Variants in GRXCR1 observed in about 807,000 individuals in gnomAD.
The protein encoded by GRXCR1 is glutaredoxin domain-containing cysteine-rich protein 1.
A neutral mutation model predicts 27.3 loss-of-function variants in GRXCR1; 27 were observed. The observed-to-expected ratio is 0.99, with a 90% CI of 0.73 to 1.37. GRXCR1 has a LOEUF of 1.37. GRXCR1 is among the 40% of genes most tolerant of loss of function. The probability of loss-of-function intolerance (pLI) is 0.00; values close to 1 mark genes in which losing one functional copy is unlikely to be tolerated. For synonymous variants in GRXCR1, 122 were observed against 131.1 expected (o/e 0.93, Z 0.47); for missense variants, 379 against 354.4 (o/e 1.07, Z -0.56).
chr4:43,003,023 A>T (rs935043072), intron 2 of GRXCR1, among the ~76,000 whole-genome samples: 2 of 152,160 alleles, frequency 1.3e-5, no homozygotes. Flanking sequence ...AGTGTGTGGC[A>T]TTCCAGCCCT....
intron 2 of GRXCR1, among the ~76,000 whole-genome samples, chr4:42,987,241 A>ATAT (rs1276367661): frequency 1.5e-5 from 1 of 66,468 alleles, no homozygotes; most frequent in African/African-American, 5.1e-5. Context: ...ATATATATAT[A>ATAT]ATATATAATA....
At chr4:42,933,373 A>C (rs1382413110) in intron 1 of GRXCR1, among the ~76,000 whole-genome samples, 1 of 151,894 alleles carries the variant, frequency 6.6e-6, no homozygotes, top group African/African-American at 2.4e-5. Flanking sequence ...AACTAACAAC[A>C]TCAAGGAGAG....
intron 1 of GRXCR1, among the ~76,000 whole-genome samples, chr4:42,897,060 A>C (rs950588537): frequency 2.0e-5 from 3 of 152,268 alleles, no homozygotes; most frequent in Admixed American, 2.0e-4. Flanking sequence ...CATTACTGGA[A>C]AATTTTAAAA....
intron 1 of GRXCR1, among the ~76,000 whole-genome samples, chr4:42,900,488 A>G (rs972439418): frequency 6.6e-5 from 10 of 152,160 alleles, no homozygotes; most frequent in African/African-American, 2.4e-4. Flanking sequence ...AAGTTAGGCT[A>G]TGAAATAATT....
At chr4:42,987,034 T>TGTG (rs1711749704) in intron 2 of GRXCR1, among the ~76,000 whole-genome samples, 2 of 97,458 alleles carry the variant, frequency 2.1e-5, no homozygotes, top group Admixed American at 9.7e-5. Flanking sequence ...GTGTGTGTGT[T>TGTG]TAGGGGGTAA....
intron 1 of GRXCR1, among the ~76,000 whole-genome samples, chr4:42,938,984 A>C (rs931921614): frequency 6.6e-6 from 1 of 151,904 alleles, no homozygotes; most frequent in African/African-American, 2.4e-5. Flanking sequence ...GGCTTTGACT[A>C]TTCTGGGTCT....
chr4:42,983,861 A>T, intron 2 of GRXCR1, among the ~76,000 whole-genome samples: 1 of 142,236 alleles, frequency 7.0e-6, no homozygotes, highest in Non-Finnish European at 1.5e-5. Context: ...TTTCAGACAG[A>T]GTCTCACTCT....
chr4:42,911,080 G>T (rs1374093303), intron 1 of GRXCR1, among the ~76,000 whole-genome samples: 2 of 151,986 alleles, frequency 1.3e-5, no homozygotes, highest in East Asian at 3.9e-4. Flanking sequence ...TGTCTGTGAG[G>T]GACTGTATTT....
At chr4:42,937,969 T>G (rs937767459) in intron 1 of GRXCR1, among the ~76,000 whole-genome samples, 2 of 151,966 alleles carry the variant, frequency 1.3e-5, no homozygotes, top group Admixed American at 6.6e-5. Flanking sequence ...TACAACAAAT[T>G]ATTGCTGACT....
intron 1 of GRXCR1, 41 bp from the exon 2 acceptor site, chr4:42,962,851 G>A: frequency 6.2e-7 from 1 of 1,610,716 alleles, no homozygotes; most frequent in Non-Finnish European, 8.5e-7. Context: ...ACACAAGAAA[G>A]TAAAAGCAAA....
At chr4:42,958,517 A>G (rs1248663512) in intron 1 of GRXCR1, among the ~76,000 whole-genome samples, 1 of 151,964 alleles carries the variant, frequency 6.6e-6, no homozygotes, top group Admixed American at 6.6e-5. Context: ...TAAGTTTTGG[A>G]TATTTTCCCC....
chr4:42,977,761 C>G (rs920369177), intron 2 of GRXCR1, among the ~76,000 whole-genome samples: 6 of 151,998 alleles, frequency 3.9e-5, no homozygotes, highest in African/African-American at 1.2e-4. Context: ...AGGTTGTCCC[C>G]TCACTCTGTT....
chr4:42,918,185 A>T (rs1193257753), intron 1 of GRXCR1, among the ~76,000 whole-genome samples: 2 of 152,024 alleles, frequency 1.3e-5, no homozygotes, highest in Non-Finnish European at 2.9e-5. Context: ...ATGGCACCTC[A>T]TCTAGAGGGG....
chr4:42,920,133 G>A (rs1040636300), intron 1 of GRXCR1, among the ~76,000 whole-genome samples: 9 of 152,108 alleles, frequency 5.9e-5, no homozygotes, highest in African/African-American at 9.7e-5. Context: ...GGCTGACAGA[G>A]TTTATTGAAG....
Position 42,902,471 on chromosome 4 carries a change from G to A in GRXCR1, c.384+8821G>A, listed in dbSNP as rs981841345. On this transcript the variant is annotated intron_variant, in intron 1 of 3. Coordinates refer to ENST00000399770, the MANE Select transcript of GRXCR1 (RefSeq NM_001080476.3). ...CAAAGGATGTGATCTCAGTTATTTC[G>A]ATGGCTGCATAGTATTCCATGGTGT... is the stretch of plus-strand genomic sequence containing the variant. Among the ~76,000 whole-genome samples the A allele has an allele frequency of 2.6e-5, 4 of 152,090 alleles. 1 individual carries two copies. Among genetic ancestry groups the A allele is most frequent in the African/African-American group, 9.7e-5 (4 of 41,414 alleles).
intron 1 of GRXCR1, among the ~76,000 whole-genome samples, chr4:42,919,887 T>C (rs985018502): frequency 1.3e-5 from 2 of 152,190 alleles, no homozygotes; most frequent in African/African-American, 2.4e-5. Flanking sequence ...ACTTCATCTC[T>C]CAGAGGTCTG....
Position 42,962,879 on chromosome 4 carries a change from G to A in GRXCR1, c.385-13G>A, listed in dbSNP as rs377445763. ...AAAGCAAACATTCTTACAACTCAAT[G>A]TTTTCCCTTCAGCAACCATCAACTG... On this transcript the variant is annotated splice_polypyrimidine_tract_variant and intron_variant, in intron 1 of 3. Transcript: ENST00000399770. 5.6e-6 allele frequency: 9 copies of A among 1,612,040 alleles called. No homozygotes were observed. In the African/African-American group the frequency reaches 8.0e-5, roughly 14 times the overall value.
At chr4:42,945,794 G>A (rs2109765683) in intron 1 of GRXCR1, among the ~76,000 whole-genome samples, 1 of 152,190 alleles carries the variant, frequency 6.6e-6, no homozygotes, top group Admixed American at 6.5e-5. Context: ...TTATTTTAGA[G>A]GTGGTTAGCT....
At chr4:42,980,403 AT>A (rs984811875) in intron 2 of GRXCR1, among the ~76,000 whole-genome samples, 49 of 151,616 alleles carry the variant, frequency 3.2e-4, no homozygotes, top group African/African-American at 1.1e-3. Flanking sequence ...TCAACCGTTG[AT>A]TTTTCAGGAA....
Sources: gnomAD v4.1 joint callset for allele counts (sites outside exome capture counted in the v4.1 genomes callset) on GRCh38, gnomAD v4.1.1 for gene constraint, MANE v1.5 for transcripts, NCBI Gene and HGNC (gene_info 2026-07-23, HGNC 2026-07-21) for gene names.